The following LEKR1 variants were observed in gnomAD, a reference collection of about 807,000 sequenced individuals.
The protein encoded by LEKR1 is protein LEKR1.
In LEKR1, 59 loss-of-function variants were observed where a neutral mutation model predicts 72.4. The observed-to-expected ratio is 0.82, with a 90% CI of 0.66 to 1.01. The LOEUF is 1.01. LEKR1 is among the 50% of genes least tolerant of loss of function. The pLI, the probability that LEKR1 is intolerant of heterozygous loss-of-function variation, is 0.00. For synonymous variants in LEKR1, 257 were observed against 263.2 expected (o/e 0.98, Z 0.23); for missense variants, 728 against 759.2 (o/e 0.96, Z 0.48).
chr3:157,015,732 A>T (rs7637445), intron 10 of LEKR1, among the ~76,000 whole-genome samples: 1 of 151,948 alleles, frequency 6.6e-6, no homozygotes, highest in Non-Finnish European at 1.5e-5. Context: ...AAGAAAAATC[A>T]ATAAATAAAA....
chr3:156,848,919 A>C (rs1714968637), intron 2 of LEKR1, among the ~76,000 whole-genome samples: 1 of 152,140 alleles, frequency 6.6e-6, no homozygotes, highest in African/African-American at 2.4e-5. Flanking sequence ...TTATACTTTA[A>C]GTTTTAGGGT....
At chr3:157,039,129 G>A (rs1735173365) in intron 12 of LEKR1, among the ~76,000 whole-genome samples, 1 of 152,110 alleles carries the variant, frequency 6.6e-6, no homozygotes, top group African/African-American at 2.4e-5. Context: ...CAAGATGATA[G>A]GAAAAAATCA....
At chr3:156,890,233 A>G (rs1188985497) in intron 3 of LEKR1, among the ~76,000 whole-genome samples, 1 of 152,192 alleles carries the variant, frequency 6.6e-6, no homozygotes, top group Non-Finnish European at 1.5e-5. Flanking sequence ...AAACATTTTA[A>G]TATCAATAAA....
chr3:156,856,649 A>G (rs886527654), intron 3 of LEKR1, among the ~76,000 whole-genome samples: 1 of 152,146 alleles, frequency 6.6e-6, no homozygotes, highest in Non-Finnish European at 1.5e-5. Flanking sequence ...TTTTAAATAC[A>G]TCGTGTATTA....
At chr3:156,881,327 A>G (rs1291203884) in intron 3 of LEKR1, among the ~76,000 whole-genome samples, 1 of 152,134 alleles carries the variant, frequency 6.6e-6, no homozygotes, top group African/African-American at 2.4e-5. Context: ...TCAATGTACA[A>G]AAATCACAAG....
At chr3:156,859,299 A>G (rs1363224139) in intron 3 of LEKR1, among the ~76,000 whole-genome samples, 1 of 152,166 alleles carries the variant, frequency 6.6e-6, no homozygotes, top group Non-Finnish European at 1.5e-5. Flanking sequence ...GGGTATATAA[A>G]ACCATCTTTT....
intron 1 of LEKR1, among the ~76,000 whole-genome samples, chr3:156,827,744 CT>C (rs1342574273): frequency 6.6e-6 from 1 of 152,190 alleles, no homozygotes; most frequent in East Asian, 1.9e-4. Context: ...TCCTCCCCTT[CT>C]TATGCTAAGG....
chr3:156,896,170 G>C (rs115297718), intron 3 of LEKR1, among the ~76,000 whole-genome samples: 1,539 of 152,046 alleles, frequency 0.01, 24 homozygotes, highest in African/African-American at 0.035. Flanking sequence ...GAACACATGG[G>C]GGGAAAGAAC....
intron 3 of LEKR1, among the ~76,000 whole-genome samples, chr3:156,885,539 T>A (rs1719956018): frequency 6.6e-6 from 1 of 152,158 alleles, no homozygotes; most frequent in African/African-American, 2.4e-5. Flanking sequence ...TGGACTGCAG[T>A]GATTGTTATT....
In LEKR1 at chr3:157,045,844, T is replaced by A. The variant is rs1577039376; in HGVS notation, c.*94T>A. The A allele has an allele frequency of 4.3e-6, 5 of 1,167,640 alleles. No homozygotes were observed. The South Asian group carries it at 7.4e-5, about 17-fold the overall frequency. 72.3% of individuals were successfully genotyped at this position (1,167,640 alleles called of 1,614,324 possible). A position where few individuals can be genotyped will look rare whatever the true frequency, so the allele number is the denominator to read the frequency against. ...TAACTGAGAATGACAATGATAAAATTATTTTCACAGATCAGGAAGGCATAC... is the reference window on the plus strand; with the variant it reads ...TAACTGAGAATGACAATGATAAAATAATTTTCACAGATCAGGAAGGCATAC... On this transcript the variant is annotated 3_prime_UTR_variant, in exon 13 of 13. Transcript: ENST00000356539.
At chr3:156,886,986 C>A (rs888977292) in intron 3 of LEKR1, among the ~76,000 whole-genome samples, 2 of 152,172 alleles carry the variant, frequency 1.3e-5, no homozygotes, top group African/African-American at 4.8e-5. Flanking sequence ...TTTGTCCATC[C>A]ATGTGGGAGC....
intron 2 of LEKR1, among the ~76,000 whole-genome samples, chr3:156,847,074 C>CTT (rs1194967662): frequency 9.9e-5 from 15 of 152,266 alleles, no homozygotes; most frequent in African/African-American, 3.6e-4. Flanking sequence ...TCCCAAAGCG[C>CTT]TGGGATCACA....
intron 4 of LEKR1, among the ~76,000 whole-genome samples, chr3:156,921,624 G>A (rs1284572903): frequency 6.6e-6 from 1 of 152,054 alleles, no homozygotes; most frequent in Non-Finnish European, 1.5e-5. Flanking sequence ...TGAACCAAAA[G>A]GATAATGCCA....
intron 12 of LEKR1, among the ~76,000 whole-genome samples, chr3:157,031,930 A>T (rs1211784872): frequency 6.6e-6 from 1 of 152,166 alleles, no homozygotes; most frequent in Non-Finnish European, 1.5e-5. Flanking sequence ...CCCCAGAAAC[A>T]GCAAGGGTCG....
chr3:156,964,402 ATAT>A (rs1728377518), intron 6 of LEKR1, among the ~76,000 whole-genome samples: 1 of 152,134 alleles, frequency 6.6e-6, no homozygotes, highest in Admixed American at 6.6e-5. Context: ...TTTTATTAAA[ATAT>A]TATGATAAAC....
chr3:156,968,150 A>G (rs6441105), intron 6 of LEKR1, among the ~76,000 whole-genome samples: 132,227 of 152,110 alleles, frequency 0.87, 57,802 homozygotes, highest in African/African-American at 0.96. Flanking sequence ...AGGAACAACC[A>G]GTACCAGCCG....
intron 12 of LEKR1, among the ~76,000 whole-genome samples, chr3:157,035,794 G>GCAC (rs1734929050): frequency 6.6e-6 from 1 of 152,196 alleles, no homozygotes; most frequent in Non-Finnish European, 1.5e-5. Context: ...AGCTACTTGG[G>GCAC]AGGCTGAGGC....
intron 3 of LEKR1, among the ~76,000 whole-genome samples, chr3:156,877,345 G>A (rs1168466599): frequency 2.0e-5 from 3 of 151,956 alleles, no homozygotes; most frequent in African/African-American, 7.3e-5. Context: ...ATAGAATGAT[G>A]TAGGGAGGAG....
chr3:156,889,843 A>G (rs1275899465), intron 3 of LEKR1, among the ~76,000 whole-genome samples: 2 of 152,236 alleles, frequency 1.3e-5, no homozygotes, highest in African/African-American at 4.8e-5. Flanking sequence ...ATCTTTTAAA[A>G]TGATATGCAA....
Sources: gnomAD v4.1 joint callset for allele counts (sites outside exome capture counted in the v4.1 genomes callset) on GRCh38, gnomAD v4.1.1 for gene constraint, MANE v1.5 for transcripts, NCBI Gene and HGNC (gene_info 2026-07-23, HGNC 2026-07-21) for gene names.